The following ELOVL7 variants were observed in gnomAD, a reference collection of about 807,000 sequenced individuals.
The protein encoded by ELOVL7 is very long chain fatty acid elongase 7.
Under a neutral mutation model 35.7 loss-of-function variants are expected in ELOVL7, and 27 were observed. The observed-to-expected ratio is 0.76, with a 90% confidence interval of 0.56 to 1.04. The LOEUF is 1.04. Among genes scored for constraint, ELOVL7 ranks in the 50% least tolerant of loss-of-function variants. The pLI is 0.00. For missense variants in ELOVL7, 327 were observed against 340.8 expected, an observed-to-expected ratio of 0.96 and a Z score of 0.32; for synonymous variants, 113 against 114.6, an observed-to-expected ratio of 0.99 and a Z score of 0.09.
At chr5:60,762,607 T>C (rs1350469295) in intron 7 of ELOVL7, among the ~76,000 whole-genome samples, 1 of 152,166 alleles carries the variant, frequency 6.6e-6, no homozygotes, top group African/African-American at 2.4e-5. Flanking sequence ...CTTCCAATCT[T>C]TCTTCTATTC....
At position 60,810,073 on chromosome 5, in the gene ELOVL7, C is replaced by A. The variant is rs189029333; in HGVS notation, c.-85-10843G>T. On this transcript the variant is annotated intron_variant, in intron 1 of 8. Coordinates refer to ENST00000508821, the MANE Select transcript of ELOVL7 (RefSeq NM_024930.3). The stretch of plus-strand genomic sequence containing the variant: ...CAAACTATCGCTCAGTGAGAAAAAA[C>A]AAACTTTATCTTGCCTGCCTGCTTT... 2.2e-4 allele frequency among the ~76,000 whole-genome samples: 33 copies of A among 152,256 alleles called. 1 individual carries two copies. In the East Asian group the frequency reaches 6.2e-3, roughly 28 times the overall value.
chr5:60,823,012 GC>G (rs775358135), intron 1 of ELOVL7, among the ~76,000 whole-genome samples: 11 of 152,204 alleles, frequency 7.2e-5, no homozygotes, highest in African/African-American at 1.2e-4. Context: ...TTAATAGCAG[GC>G]ATTGAACAGG....
At chr5:60,780,074 A>C (rs1329004324) in intron 3 of ELOVL7, among the ~76,000 whole-genome samples, 1 of 151,248 alleles carries the variant, frequency 6.6e-6, no homozygotes, top group African/African-American at 2.4e-5. Context: ...CATTGTGGTC[A>C]AAGTTATTCA....
intron 2 of ELOVL7, among the ~76,000 whole-genome samples, chr5:60,798,043 G>A (rs991112476): frequency 1.3e-5 from 2 of 152,016 alleles, no homozygotes; most frequent in African/African-American, 4.8e-5. Flanking sequence ...GAGTTGTCCC[G>A]CGTTTCCACA....
chr5:60,789,818 A>G (rs1248744995), intron 2 of ELOVL7, among the ~76,000 whole-genome samples: 1 of 152,184 alleles, frequency 6.6e-6, no homozygotes, highest in African/African-American at 2.4e-5. Context: ...TGATATGGAA[A>G]TATTTCCAAG....
chr5:60,834,164 C>T (rs148815341), intron 1 of ELOVL7, among the ~76,000 whole-genome samples: 2,263 of 151,358 alleles, frequency 0.015, 27 homozygotes, highest in Non-Finnish European at 0.021. Flanking sequence ...TTTTTTGAGA[C>T]GGAGTCTCGC....
chr5:60,807,527 GAT>G (rs1744998780), intron 1 of ELOVL7, among the ~76,000 whole-genome samples: 1 of 55,584 alleles, frequency 1.8e-5, no homozygotes, highest in Non-Finnish European at 3.8e-5. Context: ...ATATTCATTT[GAT>G]GAAAAAAAAA....
intron 1 of ELOVL7, among the ~76,000 whole-genome samples, chr5:60,820,927 G>A (rs1013340611): frequency 4.6e-5 from 7 of 152,098 alleles, no homozygotes; most frequent in Non-Finnish European, 8.8e-5. Flanking sequence ...CTACTGATAA[G>A]TCTGTCTTGT....
chr5:60,835,814 T>C (rs1037280392), intron 1 of ELOVL7, among the ~76,000 whole-genome samples: 5 of 152,046 alleles, frequency 3.3e-5, no homozygotes, highest in Non-Finnish European at 7.3e-5. Flanking sequence ...ATATTCTTTT[T>C]TTGCACTTAC....
rs575196630 is a variant in ELOVL7, at chr5:60,770,854, C to T, written c.255+1049G>A. On this transcript the variant is annotated intron_variant, in intron 4 of 8. Coordinates refer to ENST00000508821, the MANE Select transcript of ELOVL7 (RefSeq NM_024930.3). ...CTGGGACCACGGGCGTGCACCGCCACGCCTGGCTAATTTTTTTGTATTTTT... is the reference window on the plus strand; with the variant it reads ...CTGGGACCACGGGCGTGCACCGCCATGCCTGGCTAATTTTTTTGTATTTTT... Among the ~76,000 whole-genome samples the T allele has an allele frequency of 9.2e-5, 14 of 152,286 alleles. No homozygotes were observed. The East Asian group carries it at 1.7e-3, about 19-fold the overall frequency.
intron 1 of ELOVL7, among the ~76,000 whole-genome samples, chr5:60,815,630 C>T (rs937228221): frequency 1.3e-5 from 2 of 151,992 alleles, no homozygotes; most frequent in South Asian, 2.1e-4. Flanking sequence ...TGCAATGGCA[C>T]GATCTCAGCT....
At chr5:60,778,063 A>G (rs1286239811) in intron 3 of ELOVL7, among the ~76,000 whole-genome samples, 1 of 152,246 alleles carries the variant, frequency 6.6e-6, no homozygotes, top group Admixed American at 6.5e-5. Flanking sequence ...CTAAATCAGG[A>G]AAAACTTTGA....
rs575134679 is a variant in ELOVL7, at chr5:60,770,323, A to G, written c.255+1580T>C. ...GACAAATCAGACATAGACCCTAAGAATATGAGAGCAAGGAGGGATCTGAGA... is the reference window on the plus strand; with the variant it reads ...GACAAATCAGACATAGACCCTAAGAGTATGAGAGCAAGGAGGGATCTGAGA... On this transcript the variant is annotated intron_variant, in intron 4 of 8. Coordinates refer to ENST00000508821, the MANE Select transcript of ELOVL7 (RefSeq NM_024930.3). Among the ~76,000 whole-genome samples, 8 of 152,356 alleles carry G rather than the reference A, an allele frequency of 5.3e-5. No homozygotes were observed. In the South Asian group the frequency reaches 1.7e-3, roughly 32 times the overall value.
intron 1 of ELOVL7, among the ~76,000 whole-genome samples, chr5:60,829,193 G>A (rs1013309908): frequency 2.0e-5 from 3 of 151,956 alleles, no homozygotes; most frequent in Non-Finnish European, 4.4e-5. Flanking sequence ...CTAGGAGATG[G>A]TTCTTGTTCC....
At chr5:60,788,879 T>C (rs1205426621) in intron 2 of ELOVL7, among the ~76,000 whole-genome samples, 1 of 152,140 alleles carries the variant, frequency 6.6e-6, no homozygotes, top group Non-Finnish European at 1.5e-5. Flanking sequence ...TACGTAAGTA[T>C]AGGTAAAATT....
At chr5:60,804,250 G>C (rs1744804784) in intron 1 of ELOVL7, among the ~76,000 whole-genome samples, 1 of 152,170 alleles carries the variant, frequency 6.6e-6, no homozygotes, top group Admixed American at 6.5e-5. Context: ...TACTCTTATT[G>C]ATAATAGAGG....
chr5:60,783,032 T>C (rs1455918817), intron 3 of ELOVL7, among the ~76,000 whole-genome samples: 1 of 152,226 alleles, frequency 6.6e-6, no homozygotes, highest in Non-Finnish European at 1.5e-5. Flanking sequence ...CAACATCACT[T>C]TGTACCCCAT....
At chr5:60,756,180 C>G (rs894229700) in intron 8 of ELOVL7, among the ~76,000 whole-genome samples, 1 of 152,076 alleles carries the variant, frequency 6.6e-6, no homozygotes, top group African/African-American at 2.4e-5. Flanking sequence ...ATTCTTTCTA[C>G]ATCAGTATTT....
intron 2 of ELOVL7, among the ~76,000 whole-genome samples, chr5:60,798,954 G>A (rs1744428619): frequency 1.3e-5 from 2 of 152,086 alleles, no homozygotes; most frequent in South Asian, 2.1e-4. Flanking sequence ...ATGATATATT[G>A]AGCCACAAAA....
Sources: allele counts gnomAD v4.1 joint callset (sites outside exome capture counted in the v4.1 genomes callset), GRCh38; gene constraint gnomAD v4.1.1; transcripts MANE v1.5; gene names NCBI Gene and HGNC (gene_info 2026-07-23, HGNC 2026-07-21).